The following C2CD5 variants were observed in gnomAD, a reference collection of about 807,000 sequenced individuals.
C2CD5 encodes C2 domain-containing protein 5.
A neutral mutation model predicts 130.3 loss-of-function variants in C2CD5; 109 were observed. The ratio of observed to expected loss-of-function variants is 0.84; its 90% confidence interval spans 0.72 to 0.98. The LOEUF is 0.98. Ranked by LOEUF, C2CD5 falls within the 50% of genes least tolerant of loss-of-function variation. The pLI is 0.00. For synonymous variants in C2CD5, 454 were observed against 429.2 expected, an observed-to-expected ratio of 1.06 and a Z score of -0.71; for missense variants, 996 against 1,261.8, an observed-to-expected ratio of 0.79 and a Z score of 3.19.
At chr12:22,490,879 G>A (rs1946258044) in intron 11 of C2CD5, among the ~76,000 whole-genome samples, 1 of 152,002 alleles carries the variant, frequency 6.6e-6, no homozygotes, top group Non-Finnish European at 1.5e-5. Flanking sequence ...AGCAACCTAG[G>A]GATGAACTGC....
At position 22,482,235 on chromosome 12, in the gene C2CD5, T is replaced by C. The variant is rs191802910; in HGVS notation, c.1737+322A>G. 2.4e-3 allele frequency among the ~76,000 whole-genome samples: 373 copies of C among 152,268 alleles called. 3 individuals carry two copies. Among genetic ancestry groups the C allele is most frequent in the Non-Finnish European group, 2.1e-3 (142 of 68,022 alleles). On this transcript the variant is annotated intron_variant, in intron 14 of 26. Coordinates refer to ENST00000446597, the MANE Select transcript of C2CD5 (RefSeq NM_001286176.2). ...AGTTCCCTGCAACAAAGAGGTATCC[T>C]GCCCTAGTACTGAGATGGAGGAACC...
intron 10 of C2CD5, among the ~76,000 whole-genome samples, chr12:22,496,131 A>G (rs747171373): frequency 2.0e-4 from 31 of 152,176 alleles, no homozygotes; most frequent in Admixed American, 3.3e-4. Context: ...TTAACAGTAA[A>G]GAAAAGTTAA....
intron 19 of C2CD5, 86 bp downstream of exon 19, chr12:22,471,881 G>T (rs1007734458): frequency 4.9e-5 from 38 of 773,988 alleles, no homozygotes; most frequent in East Asian, 2.1e-4. Context: ...AACTGTGTAA[G>T]GTATTACAGA....
intron 8 of C2CD5, among the ~76,000 whole-genome samples, chr12:22,516,052 A>G (rs1054328036): frequency 2.0e-5 from 3 of 151,568 alleles, no homozygotes; most frequent in Non-Finnish European, 3.0e-5. Flanking sequence ...ACAAACAGAA[A>G]AAAAAAAAAA....
At chr12:22,498,590 A>C (rs1040080729) in intron 10 of C2CD5, among the ~76,000 whole-genome samples, 1 of 152,190 alleles carries the variant, frequency 6.6e-6, no homozygotes, top group African/African-American at 2.4e-5. Context: ...TCTGATGGCA[A>C]ACAAAAAAGA....
intron 22 of C2CD5, among the ~76,000 whole-genome samples, chr12:22,466,763 G>A (rs182567314): frequency 6.6e-6 from 1 of 152,298 alleles, no homozygotes; most frequent in Admixed American, 6.5e-5. Context: ...ACTTTTAAGT[G>A]TTTACTGATT....
At chr12:22,518,555 AAT>A (rs1949983075) in intron 7 of C2CD5, among the ~76,000 whole-genome samples, 1 of 152,172 alleles carries the variant, frequency 6.6e-6, no homozygotes, top group East Asian at 1.9e-4. Context: ...AAAAGAAAAA[AAT>A]GTTTCCTTAT....
intron 22 of C2CD5, among the ~76,000 whole-genome samples, chr12:22,460,063 CT>C (rs1442071026): frequency 6.6e-6 from 1 of 152,204 alleles, no homozygotes; most frequent in African/African-American, 2.4e-5. Flanking sequence ...ATATCAACAG[CT>C]CCCTCTGGTG....
intron 11 of C2CD5, among the ~76,000 whole-genome samples, chr12:22,492,857 A>T (rs1245139700): frequency 6.6e-6 from 1 of 152,182 alleles, no homozygotes; most frequent in Non-Finnish European, 1.5e-5. Flanking sequence ...ACAGTAGATC[A>T]AGGGTTCCAA....
chr12:22,465,787 A>G (rs1004223240), intron 22 of C2CD5, among the ~76,000 whole-genome samples: 1 of 152,098 alleles, frequency 6.6e-6, no homozygotes, highest in African/African-American at 2.4e-5. Context: ...TATAGCTATC[A>G]TTTTTCTCAT....
chr12:22,488,435 CT>C (rs1056736469), intron 12 of C2CD5, among the ~76,000 whole-genome samples: 136 of 143,384 alleles, frequency 9.5e-4, no homozygotes, highest in Admixed American at 9.8e-4. Flanking sequence ...TTGTTTTTTT[CT>C]TTTTTTTTTT....
intron 19 of C2CD5, among the ~76,000 whole-genome samples, chr12:22,471,764 C>T (rs540930313): frequency 6.6e-6 from 1 of 151,842 alleles, no homozygotes; most frequent in South Asian, 2.1e-4. Context: ...AAGCTATTAA[C>T]TAAAACTATT....
chr12:22,516,410 G>C (rs1346803104), intron 8 of C2CD5, among the ~76,000 whole-genome samples: 1 of 151,524 alleles, frequency 6.6e-6, no homozygotes, highest in Non-Finnish European at 1.5e-5. Flanking sequence ...TTTAGAGGTA[G>C]CTTATAAATA....
At chr12:22,501,522 T>C (rs1201137265) in intron 10 of C2CD5, among the ~76,000 whole-genome samples, 2 of 152,156 alleles carry the variant, frequency 1.3e-5, no homozygotes, top group African/African-American at 2.4e-5. Context: ...GCCTATGTTT[T>C]AAAATTTCTT....
chr12:22,449,925 T>A, intron 26 of C2CD5, 34 bp from the exon 27 acceptor site: 1 of 1,565,210 alleles, frequency 6.4e-7, no homozygotes, highest in Non-Finnish European at 8.8e-7. Context: ...GGTTCAGTTA[T>A]ACTCAACACA....
At position 22,478,259 on chromosome 12, in the gene C2CD5, A is replaced by G. The variant is rs751556676; in HGVS notation, c.1902+54T>C. The G allele has an allele frequency of 2.1e-6, 3 of 1,448,596 alleles. No individual in the cohort carries two copies. The East Asian group carries it at 6.9e-5, about 33-fold the overall frequency. The allele number at this position is 1,448,596 out of a possible 1,614,324, so 89.7% of individuals were successfully genotyped here. ...GTGTCCTCAATAAGATAACCTAAAA[A>G]TATACTAATAAACAATAACTGATAC... is the stretch of plus-strand genomic sequence containing the variant. On this transcript the variant is annotated intron_variant, in intron 15 of 26. Transcript: ENST00000446597.
rs1022561177 is a variant in C2CD5, at chr12:22,481,672, T to G, written c.1737+885A>C. Among the ~76,000 whole-genome samples the G allele has an allele frequency of 3.1e-3, 442 of 143,246 alleles. 2 individuals carry two copies. The highest frequency in any genetic ancestry group is 0.011 in the African/African-American group (414 of 39,352). 94.0% of individuals were successfully genotyped at this position (143,246 alleles called of 152,430 possible). On this transcript the variant is annotated intron_variant, in intron 14 of 26. Coordinates refer to ENST00000446597, the MANE Select transcript of C2CD5 (RefSeq NM_001286176.2). ...ACCTTTTTTTTTTTTTTTTTTTTTT[T>G]GAGACAGAGCCTCACTCTGTCGCCT...
intron 9 of C2CD5, among the ~76,000 whole-genome samples, chr12:22,510,209 G>GA (rs797006141): frequency 1.1e-3 from 158 of 144,090 alleles, no homozygotes; most frequent in Non-Finnish European, 1.4e-3. Flanking sequence ...TCATCTCAAT[G>GA]AAAAAAAAAA....
intron 9 of C2CD5, among the ~76,000 whole-genome samples, chr12:22,510,505 G>A (rs1010949973): frequency 6.6e-6 from 1 of 152,118 alleles, no homozygotes; most frequent in Admixed American, 6.6e-5. Context: ...TTTCTTAGGA[G>A]CTATTTAAAT....
Sources: allele counts gnomAD v4.1 joint callset (sites outside exome capture counted in the v4.1 genomes callset), GRCh38; gene constraint gnomAD v4.1.1; transcripts MANE v1.5; gene names NCBI Gene and HGNC (gene_info 2026-07-23, HGNC 2026-07-21).